The following NRN1 variants were observed in gnomAD, a reference collection of about 807,000 sequenced individuals.
The protein encoded by NRN1 is neuritin.
Under a neutral mutation model 15.0 loss-of-function variants are expected in NRN1, and 4 were observed. The ratio of observed to expected loss-of-function variants is 0.27; its 90% CI spans 0.13 to 0.61. NRN1 has a LOEUF of 0.61. Ranked by LOEUF, NRN1 falls within the 20% of genes least tolerant of loss-of-function variation. The pLI, the probability that NRN1 is intolerant of heterozygous loss-of-function variation, is 0.87. For synonymous variants in NRN1, 85 were observed against 79.8 expected, an observed-to-expected ratio of 1.07 and a Z score of -0.35; for missense variants, 134 against 181.9, an observed-to-expected ratio of 0.74 and a Z score of 1.51.
intron 1 of NRN1, 70 bp downstream of exon 1, chr6:6,006,625 C>T (rs976440526): frequency 3.4e-6 from 5 of 1,488,098 alleles, no homozygotes; most frequent in Admixed American, 1.7e-5. Flanking sequence ...CGCTAGTCCC[C>T]CTCCGCGCCT....
chr6:6,003,665 G>C, intron 1 of NRN1: 4 of 1,219,162 alleles, frequency 3.3e-6, no homozygotes, highest in Non-Finnish European at 3.1e-6. Flanking sequence ...GCCTCTGGAC[G>C]GCCAAACCCC....
chr6:6,001,121 G>T (rs146436677), intron 2 of NRN1, among the ~76,000 whole-genome samples: 140 of 152,326 alleles, frequency 9.2e-4, no homozygotes, highest in African/African-American at 3.1e-3. Flanking sequence ...CCATTTAGCT[G>T]CTATGGCTCC....
chr6:6,000,859 C>G (rs947692936), intron 2 of NRN1, among the ~76,000 whole-genome samples: 3 of 150,498 alleles, frequency 2.0e-5, no homozygotes, highest in Non-Finnish European at 4.4e-5. Flanking sequence ...AACAGCTCCC[C>G]CAAATGAGTA....
intron 1 of NRN1, among the ~76,000 whole-genome samples, chr6:6,005,490 C>T (rs1048111615): frequency 6.6e-6 from 1 of 152,154 alleles, no homozygotes; most frequent in African/African-American, 2.4e-5. Flanking sequence ...TTGCATAAAA[C>T]CCCACTGCAA....
At position 6,000,089 on chromosome 6, in the gene NRN1, G is replaced by T. The variant is rs529174871; in HGVS notation, c.201-885C>A. Reference sequence around the variant, plus strand: ...TTTCCGTGGGCTTGGGCCCCATGGGGCTTCCTCCCCACAGCTTTCAGGATG... The same window carrying T: ...TTTCCGTGGGCTTGGGCCCCATGGGTCTTCCTCCCCACAGCTTTCAGGATG... On this transcript the variant is annotated intron_variant, in intron 2 of 2. Transcript: ENST00000244766. 1.3e-4 allele frequency among the ~76,000 whole-genome samples: 20 copies of T among 152,300 alleles called. No homozygotes were observed. The East Asian group carries it at 3.7e-3, about 28-fold the overall frequency.
At chr6:6,000,928 C>A (rs150006473) in intron 2 of NRN1, among the ~76,000 whole-genome samples, 2 of 151,984 alleles carry the variant, frequency 1.3e-5, no homozygotes, top group South Asian at 2.1e-4. Context: ...TTCCTGTTTT[C>A]CAAGACTGAA....
intron 2 of NRN1, among the ~76,000 whole-genome samples, chr6:6,000,720 C>CTTTTT (rs1561902728): frequency 1.4e-5 from 1 of 72,882 alleles, no homozygotes; most frequent in Admixed American, 1.6e-4. Flanking sequence ...GCCTAAATTG[C>CTTTTT]TCTTTTTTTT....
chr6:6,003,572 T>A (rs867231199), intron 1 of NRN1: 50 of 621,446 alleles, frequency 8.0e-5, no homozygotes, highest in African/African-American at 5.3e-4. Context: ...CAGGCAGGGA[T>A]AAAAGCTGAG....
Position 6,006,856 on chromosome 6 carries a change from C to T in NRN1, c.-107G>A. The T allele has an allele frequency of 1.1e-6, 1 of 944,662 alleles. No individual in the cohort carries two copies. Among genetic ancestry groups the T allele is most frequent in the Non-Finnish European group, 1.7e-6 (1 of 579,728 alleles). 58.5% of individuals were successfully genotyped at this position (944,662 alleles called of 1,614,324 possible). A position where few individuals can be genotyped will look rare whatever the true frequency, so the allele number is the denominator to read the frequency against. On this transcript the variant is annotated 5_prime_UTR_variant, in exon 1 of 3. Transcript: ENST00000244766. ...CATTGCCAACAAGTTCCGGGAGCGA[C>T]AGAGACTTTATGCACTGGGAAGGCA...
At chr6:5,999,680 C>T (rs1277172737) in intron 2 of NRN1, among the ~76,000 whole-genome samples, 1 of 152,192 alleles carries the variant, frequency 6.6e-6, no homozygotes, top group Non-Finnish European at 1.5e-5. Context: ...TCTCCTCCCC[C>T]TCGCCCCTTC....
intron 1 of NRN1, chr6:6,003,867 C>A: frequency 1.6e-6 from 2 of 1,232,196 alleles, no homozygotes; most frequent in South Asian, 8.3e-5. Context: ...GAATCGAAAT[C>A]CGCACTGGCG....
intron 1 of NRN1, 45 bp downstream of exon 1, chr6:6,006,650 C>T (rs751584014): frequency 3.1e-6 from 5 of 1,601,082 alleles, no homozygotes; most frequent in Non-Finnish European, 4.3e-6. Context: ...CCGGGGCAGG[C>T]TGCCTCCCGC....
In NRN1 at chr6:5,999,172, G is replaced by A. The variant is rs373011445; in HGVS notation, c.233C>T (p.Thr78Ile). 1 of 1,614,028 alleles carries A rather than the reference G, an allele frequency of 6.2e-7. No individual in the cohort carries two copies. Among genetic ancestry groups the A allele is most frequent in the Non-Finnish European group, 8.5e-7 (1 of 1,179,986 alleles). ...CCCTTCCTGGCAATCCGTAAGGGCTGTGACCGTGCAGCTGTGGAAATCCTC... is the reference window on the plus strand; with the variant it reads ...CCCTTCCTGGCAATCCGTAAGGGCTATGACCGTGCAGCTGTGGAAATCCTC... ...YWEDFHSCTV[T>I]ALTDCQEGAK... Residue 78 changes from threonine to isoleucine, a missense_variant, in exon 3 of 3, where the codon ACA (threonine) becomes ATA (isoleucine). By Grantham distance (89) the Thr-to-Ile change is moderately conservative. Transcript: ENST00000244766.
intron 2 of NRN1, among the ~76,000 whole-genome samples, chr6:6,000,748 T>TTTTTTTTTTTTTTTTATA (rs1554145373): frequency 1.0e-5 from 1 of 99,102 alleles, no homozygotes; most frequent in Non-Finnish European, 2.0e-5. Flanking sequence ...TTTTTTTTTT[T>TTTTTTTTTTTTTTTTATA]ATGTACGCCC....
In NRN1 at chr6:6,003,805, G is replaced by C. The variant is rs1384707152; in HGVS notation, c.56-1308C>G. 2.4e-6 allele frequency: 3 copies of C among 1,233,714 alleles called. No homozygotes were observed. The African/African-American group carries it at 4.7e-5, about 19-fold the overall frequency. 76.4% of individuals were successfully genotyped at this position (1,233,714 alleles called of 1,614,324 possible). ...CGGCCCAAAGCAGCCCGGGCGCCGGGAGGGCGCCAGAGAAGCACAGCGTTA... is the reference window on the plus strand; with the variant it reads ...CGGCCCAAAGCAGCCCGGGCGCCGGCAGGGCGCCAGAGAAGCACAGCGTTA... On this transcript the variant is annotated intron_variant, in intron 1 of 2. Transcript: ENST00000244766.
intron 1 of NRN1, among the ~76,000 whole-genome samples, chr6:6,004,559 C>T (rs1758057739): frequency 6.6e-6 from 1 of 152,202 alleles, no homozygotes; most frequent in African/African-American, 2.4e-5. Context: ...CTGGAGAAGA[C>T]CCTGCACACC....
intron 1 of NRN1, chr6:6,003,096 G>A: frequency 2.4e-6 from 2 of 840,336 alleles, no homozygotes; most frequent in African/African-American, 3.5e-5. Context: ...CTGAATGAAT[G>A]AACGAATATA....
In NRN1 at chr6:6,006,702, C is replaced by T; in HGVS notation, c.48G>A (p.Val16=). 2.5e-6 allele frequency: 4 copies of T among 1,614,076 alleles called. No individual in the cohort carries two copies. Among genetic ancestry groups the T allele is most frequent in the Non-Finnish European group, 3.4e-6 (4 of 1,179,952 alleles). Residue 16 remains valine (V), a synonymous_variant, in exon 1 of 3, where the codon GTG becomes GTA. Transcript: ENST00000244766. ...NGRYISLILA[V]QIAYLVQAVR... is the part of the protein sequence containing the mutation. Reference sequence around the variant, plus strand: ...GGCTGAGCGGCCACTTACCTATTTGCACCGCGAGGATCAGTGAAATATATC... The same window carrying T: ...GGCTGAGCGGCCACTTACCTATTTGTACCGCGAGGATCAGTGAAATATATC...
At position 5,998,780 on chromosome 6, in the gene NRN1, T is replaced by C; in HGVS notation, c.*196A>G. On this transcript the variant is annotated 3_prime_UTR_variant, in exon 3 of 3. Transcript: ENST00000244766. ...TGGCTGTGCTTGCTTGCTCACTGAT[T>C]GGTAACATTTGGCAAATAAAACACA... 1 of 588,808 alleles carries C rather than the reference T, an allele frequency of 1.7e-6. No homozygotes were observed. Among genetic ancestry groups the C allele is most frequent in the East Asian group, 2.8e-5 (1 of 35,724 alleles). 36.5% of individuals were successfully genotyped at this position (588,808 alleles called of 1,614,324 possible).
Sources: gnomAD v4.1 joint callset for allele counts (sites outside exome capture counted in the v4.1 genomes callset) on GRCh38, gnomAD v4.1.1 for gene constraint, MANE v1.5 for transcripts, NCBI Gene and HGNC (gene_info 2026-07-23, HGNC 2026-07-21) for gene names.